The following NCK2 variants were observed in gnomAD, a reference collection of about 807,000 sequenced individuals.
NCK2 encodes NCK adaptor protein 2.
In NCK2, 16 loss-of-function variants were observed where a neutral mutation model predicts 33.9. The ratio of observed to expected loss-of-function variants is 0.47; its 90% CI spans 0.32 to 0.72. The LOEUF (loss-of-function observed/expected upper bound fraction) is 0.72, where lower values mean the gene tolerates loss of function less well. Among genes scored for constraint, NCK2 ranks in the 30% least tolerant of loss-of-function variants. NCK2 has a pLI of 0.03. For synonymous variants in NCK2, 273 were observed against 239.9 expected (o/e 1.14, Z -1.27); for missense variants, 418 against 537.3 (o/e 0.78, Z 2.19).
chr2:105,793,447 C>G (rs1690965286), intron 1 of NCK2, among the ~76,000 whole-genome samples: 1 of 151,428 alleles, frequency 6.6e-6, no homozygotes, highest in South Asian at 2.1e-4. Context: ...CAGGGAACTT[C>G]TGACCTCGGG....
intron 1 of NCK2, among the ~76,000 whole-genome samples, chr2:105,812,017 T>A (rs2104472247): frequency 6.6e-6 from 1 of 152,348 alleles, no homozygotes; most frequent in South Asian, 2.1e-4. Flanking sequence ...TCTAGAGAAT[T>A]AGAAATTAGT....
At chr2:105,768,129 G>A (rs1221014874) in intron 1 of NCK2, among the ~76,000 whole-genome samples, 1 of 152,216 alleles carries the variant, frequency 6.6e-6, no homozygotes, top group African/African-American at 2.4e-5. Context: ...GTCTTCTGTA[G>A]TCCAACATAA....
chr2:105,784,039 T>C (rs1549771), intron 1 of NCK2, among the ~76,000 whole-genome samples: 139,936 of 152,314 alleles, frequency 0.92, 64,341 homozygotes, highest in East Asian at 1. Flanking sequence ...TGGCACCTGG[T>C]TGGCCTCAAC....
intron 1 of NCK2, among the ~76,000 whole-genome samples, chr2:105,814,647 C>T (rs181622216): frequency 6.9e-4 from 105 of 152,318 alleles, no homozygotes; most frequent in Admixed American, 1.8e-3. Context: ...GCCCACTCAT[C>T]CGGAGTCCAA....
At chr2:105,865,902 A>ATAT (rs61440392) in intron 3 of NCK2, among the ~76,000 whole-genome samples, 23,021 of 148,720 alleles carry the variant, frequency 0.15, 2,101 homozygotes, top group African/African-American at 0.26. Flanking sequence ...AAAGACAGAG[A>ATAT]TATTATTATT....
At chr2:105,854,954 T>C (rs2104583031) in intron 2 of NCK2, 94 bp from the exon 3 acceptor site, 1 of 867,042 alleles carries the variant, frequency 1.2e-6, no homozygotes, top group Middle Eastern at 2.2e-4. Flanking sequence ...AGAGTTGTAA[T>C]AAAAGCTGTC....
At chr2:105,811,752 C>G (rs1294589415) in intron 1 of NCK2, among the ~76,000 whole-genome samples, 2 of 152,144 alleles carry the variant, frequency 1.3e-5, no homozygotes, top group Non-Finnish European at 2.9e-5. Context: ...TGGACTCTCT[C>G]CCTTCTCTGT....
At chr2:105,855,482 T>C (rs189106322) in intron 3 of NCK2, 193 bp downstream of exon 3, 1 of 541,486 alleles carries the variant, frequency 1.8e-6, no homozygotes, top group Admixed American at 3.2e-5. Context: ...TTCCTGGAGA[T>C]TCTGGAGTTT....
chr2:105,837,691 T>C (rs1175001132), intron 2 of NCK2, among the ~76,000 whole-genome samples: 1 of 152,342 alleles, frequency 6.6e-6, no homozygotes, highest in Non-Finnish European at 1.5e-5. Context: ...GGTTCCAAAG[T>C]AGTGATTCTG....
At chr2:105,860,184 G>A (rs1393117089) in intron 3 of NCK2, among the ~76,000 whole-genome samples, 1 of 152,106 alleles carries the variant, frequency 6.6e-6, no homozygotes, top group African/African-American at 2.4e-5. Flanking sequence ...TACTCAAGAG[G>A]CTCAGTTGGG....
At chr2:105,829,881 G>T (rs1676099854) in intron 2 of NCK2, among the ~76,000 whole-genome samples, 1 of 151,872 alleles carries the variant, frequency 6.6e-6, no homozygotes, top group Non-Finnish European at 1.5e-5. Flanking sequence ...CTTCCAACAA[G>T]ATTTGTCTCT....
At chr2:105,775,912 T>TACCAAA (rs886558727) in intron 1 of NCK2, among the ~76,000 whole-genome samples, 1 of 152,186 alleles carries the variant, frequency 6.6e-6, no homozygotes, top group African/African-American at 2.4e-5. Context: ...ATTTTGTGGT[T>TACCAAA]ACCAAAACCA....
At chr2:105,885,505 C>T (rs557204257) in intron 4 of NCK2, among the ~76,000 whole-genome samples, 2 of 152,272 alleles carry the variant, frequency 1.3e-5, no homozygotes, top group Middle Eastern at 6.8e-3. Context: ...GCAATTTCAT[C>T]ATTCCATTTC....
chr2:105,851,505 C>T (rs2104574427), intron 2 of NCK2, among the ~76,000 whole-genome samples: 1 of 152,254 alleles, frequency 6.6e-6, no homozygotes, highest in African/African-American at 2.4e-5. Context: ...GAAGCGCCTG[C>T]CTGGGGCTCC....
intron 1 of NCK2, among the ~76,000 whole-genome samples, chr2:105,788,379 A>G (rs1387839919): frequency 6.6e-6 from 1 of 152,148 alleles, no homozygotes; most frequent in Non-Finnish European, 1.5e-5. Flanking sequence ...CATTTAGATG[A>G]TGATGTTTCA....
At chr2:105,872,069 G>A (rs1239183781) in intron 3 of NCK2, among the ~76,000 whole-genome samples, 6 of 152,314 alleles carry the variant, frequency 3.9e-5, no homozygotes, top group South Asian at 4.1e-4. Context: ...TTCCTTAAAC[G>A]TACGCAGTTC....
chr2:105,779,920 A>T (rs12469477), intron 1 of NCK2, among the ~76,000 whole-genome samples: 7 of 151,400 alleles, frequency 4.6e-5, no homozygotes, highest in Non-Finnish European at 1.0e-4. Flanking sequence ...TCACCCTCTC[A>T]TTCAGGATAG....
chr2:105,787,801 T>C (rs980109301), intron 1 of NCK2, among the ~76,000 whole-genome samples: 3 of 152,150 alleles, frequency 2.0e-5, no homozygotes. Flanking sequence ...AGGGAATGGG[T>C]AGATGGGAAA....
chr2:105,784,345 A>G (rs1690600292), intron 1 of NCK2, among the ~76,000 whole-genome samples: 1 of 152,210 alleles, frequency 6.6e-6, no homozygotes, highest in African/African-American at 2.4e-5. Flanking sequence ...CCACCTGCTG[A>G]TCGGACTCCT....
Sources: allele counts gnomAD v4.1 joint callset (sites outside exome capture counted in the v4.1 genomes callset), GRCh38; gene constraint gnomAD v4.1.1; transcripts MANE v1.5; gene names NCBI Gene and HGNC (gene_info 2026-07-23, HGNC 2026-07-21).